The following ITGA8 variants were observed in gnomAD, a reference collection of about 807,000 sequenced individuals.
ITGA8 encodes integrin subunit alpha 8, also known as integrin alpha-8.
In ITGA8, 91 loss-of-function variants were observed where a neutral mutation model predicts 142.3. The observed-to-expected ratio is 0.64, with a 90% CI of 0.54 to 0.76. The LOEUF is 0.76. ITGA8 is among the 30% of genes least tolerant of loss of function. The pLI is 0.00. For synonymous variants in ITGA8, 505 were observed against 485.2 expected, an observed-to-expected ratio of 1.04 and a Z score of -0.54; for missense variants, 1,406 against 1,327.7, an observed-to-expected ratio of 1.06 and a Z score of -0.92.
chr10:15,716,204 T>C (rs1835448182), intron 2 of ITGA8, among the ~76,000 whole-genome samples: 1 of 152,232 alleles, frequency 6.6e-6, no homozygotes, highest in African/African-American at 2.4e-5. Context: ...CATTGATTTT[T>C]CTTCCCCTTT....
chr10:15,572,340 A>G lies in ITGA8; in HGVS notation c.2508T>C (p.Ser836=), dbSNP rs1397115591. ...GCCAGCCCACCTCCAGGATGGTGTC[A>G]CTGATGGTACTTGGTCCAATATTGT... is the stretch of plus-strand genomic sequence containing the variant. ...ELHNIGPSTI[S]DTILEVGWPF... Residue 836 remains serine, a synonymous_variant, in exon 25 of 30, where the codon AGT becomes AGC. Coordinates refer to ENST00000378076, the MANE Select transcript of ITGA8 (RefSeq NM_003638.3). 2 of 1,613,844 alleles carry G rather than the reference A, an allele frequency of 1.2e-6. No homozygotes were observed.
At chr10:15,552,274 C>A (rs1028858927) in intron 26 of ITGA8, among the ~76,000 whole-genome samples, 5 of 152,080 alleles carry the variant, frequency 3.3e-5, no homozygotes, top group Non-Finnish European at 7.4e-5. Context: ...GTAGCTGGGA[C>A]TACAGGCGTC....
In ITGA8 at chr10:15,687,971, TC is replaced by T; in HGVS notation, c.410del (p.Gly137GlufsTer4). The T allele has an allele frequency of 6.2e-7, 1 of 1,613,538 alleles. No individual in the cohort carries two copies. Among genetic ancestry groups the T allele is most frequent in the Non-Finnish European group, 8.5e-7 (1 of 1,179,492 alleles). Reference protein sequence around the residue: ...PIEFKSNQWFGATVKAHKGKV... With the variant: ...PIEFKSNQWFXATVKAHKGKV... ...TTCCTTTGTGAGCTTTCACTGTTGC[TC>T]CAAACCACTGATTGGATTTGAACTC... On this transcript the variant is annotated frameshift_variant, in exon 3 of 30. Coordinates refer to ENST00000378076, the MANE Select transcript of ITGA8 (RefSeq NM_003638.3). LOFTEE classifies it high-confidence loss of function.
intron 2 of ITGA8, among the ~76,000 whole-genome samples, chr10:15,708,941 G>A (rs1835311568): frequency 6.6e-6 from 1 of 152,132 alleles, no homozygotes; most frequent in Non-Finnish European, 1.5e-5. Flanking sequence ...TGAACTTACA[G>A]TGTGAGCAAG....
In ITGA8 at chr10:15,646,874, T is replaced by C. The variant is rs1453988131; in HGVS notation, c.1179A>G (p.Leu393=). 1.2e-6 allele frequency: 2 copies of C among 1,614,150 alleles called. No individual in the cohort carries two copies. The highest frequency in any genetic ancestry group is 1.1e-5 in the South Asian group (1 of 91,076). The change falls in exon 12 of 30, where the codon TTA becomes TTG. Residue 393 remains leucine (L), a synonymous_variant. Transcript: ENST00000378076. The stretch of plus-strand genomic sequence containing the variant: ...TGTATCCATCTTGGTTCAGGTCTCC[T>C]AAGTGTGCCATAGCACTACCGAATC... ...FGRFGSAMAH[L]GDLNQDGYND... is the part of the protein sequence containing the mutation.
At chr10:15,567,260 A>T (rs900586127) in intron 25 of ITGA8, among the ~76,000 whole-genome samples, 1 of 152,188 alleles carries the variant, frequency 6.6e-6, no homozygotes, top group Non-Finnish European at 1.5e-5. Context: ...TTATCTAAAG[A>T]TAACAGTCTG....
intron 27 of ITGA8, among the ~76,000 whole-genome samples, chr10:15,547,816 T>C (rs1833706304): frequency 6.6e-6 from 1 of 152,178 alleles, no homozygotes; most frequent in Non-Finnish European, 1.5e-5. Context: ...TCTGGACATA[T>C]ATATCTTGGA....
intron 8 of ITGA8, among the ~76,000 whole-genome samples, chr10:15,663,291 A>T: frequency 6.6e-6 from 1 of 152,132 alleles, no homozygotes; most frequent in Non-Finnish European, 1.5e-5. Context: ...ATCCATTTTC[A>T]GATATTTTAT....
chr10:15,558,146 A>C lies in ITGA8; in HGVS notation c.2694T>G (p.Thr898=). The change falls in exon 26 of 30, where the codon ACT becomes ACG. Residue 898 remains threonine (T), a synonymous_variant. Transcript: ENST00000378076. ...CCCTCTTCCTGACAAGATGAGGAAT[A>C]GTAGAGTTTCGCAAAAAGGCGCTGA... ...PELSAFLRNS[T]IPHLVRKRDV... is the part of the protein sequence containing the mutation. The C allele has an allele frequency of 3.1e-6, 5 of 1,614,248 alleles. No homozygotes were observed. The highest frequency in any genetic ancestry group is 4.2e-6 in the Non-Finnish European group (5 of 1,180,040).
chr10:15,644,480 ATATATATATATAG>A (rs1833939089), intron 12 of ITGA8, among the ~76,000 whole-genome samples: 2 of 11,014 alleles, frequency 1.8e-4, no homozygotes, highest in African/African-American at 2.4e-4. Flanking sequence ...ATATATATAT[ATATATATATATAG>A]AATTTTTTTT....
intron 18 of ITGA8, among the ~76,000 whole-genome samples, chr10:15,606,013 C>T (rs78059087): frequency 6.6e-6 from 1 of 152,268 alleles, no homozygotes; most frequent in African/African-American, 2.4e-5. Flanking sequence ...GCAAAGAATG[C>T]AACTCTGCCT....
chr10:15,635,566 A>C (rs115769861), intron 13 of ITGA8, among the ~76,000 whole-genome samples: 108 of 152,180 alleles, frequency 7.1e-4, no homozygotes, highest in African/African-American at 2.5e-3. Flanking sequence ...TTTCATTTCT[A>C]CTTGACAACA....
intron 27 of ITGA8, among the ~76,000 whole-genome samples, chr10:15,535,728 T>A (rs1010090211): frequency 7.2e-5 from 11 of 152,094 alleles, no homozygotes; most frequent in Non-Finnish European, 1.0e-4. Flanking sequence ...CAGCAGGATG[T>A]GGGTGGGGCC....
chr10:15,594,278 A>G (rs1328262320), intron 21 of ITGA8, among the ~76,000 whole-genome samples: 1 of 151,990 alleles, frequency 6.6e-6, no homozygotes, highest in Non-Finnish European at 1.5e-5. Flanking sequence ...GACAGGAGAT[A>G]TCTCCTGCAA....
At chr10:15,583,116 A>G (rs1834444348) in intron 23 of ITGA8, among the ~76,000 whole-genome samples, 2 of 152,228 alleles carry the variant, frequency 1.3e-5, no homozygotes, top group Non-Finnish European at 2.9e-5. Flanking sequence ...AACCAACTGA[A>G]ATGCCCATCC....
Position 15,605,747 on chromosome 10 carries a change from A to G in ITGA8, c.1947T>C (p.Pro649=), listed in dbSNP as rs749979899. Residue 649 remains proline (P), a synonymous_variant, in exon 19 of 30, where the codon CCT becomes CCC. Transcript: ENST00000378076. The part of the protein sequence containing the change: ...VDCGEDNLCV[P]DLKLSARPDK... ...ACGGTCTAGCCGACAGCTTCAAGTC[A>G]GGAACACACAGATTGTCTTCTCCAC... 75 of 1,613,538 alleles carry G rather than the reference A, an allele frequency of 4.6e-5. No homozygotes were observed. Among genetic ancestry groups the G allele is most frequent in the Non-Finnish European group, 6.2e-5 (73 of 1,179,466 alleles).
chr10:15,537,068 T>C (rs1305646820), intron 27 of ITGA8, among the ~76,000 whole-genome samples: 2 of 152,222 alleles, frequency 1.3e-5, no homozygotes, highest in South Asian at 2.1e-4. Flanking sequence ...CAAGCAACAA[T>C]CACAGAATAG....
intron 4 of ITGA8, among the ~76,000 whole-genome samples, chr10:15,682,944 C>T (rs1006624021): frequency 3.7e-5 from 2 of 53,470 alleles, no homozygotes; most frequent in Non-Finnish European, 1.3e-4. Flanking sequence ...TATCACTAAT[C>T]GATTTTTTCT....
intron 8 of ITGA8, among the ~76,000 whole-genome samples, chr10:15,670,024 C>A (rs995096660): frequency 1.3e-5 from 2 of 152,146 alleles, no homozygotes; most frequent in Admixed American, 1.3e-4. Flanking sequence ...GGGAGAACCA[C>A]TACTCTCTTC....
Sources: allele counts gnomAD v4.1 joint callset (sites outside exome capture counted in the v4.1 genomes callset), GRCh38; gene constraint gnomAD v4.1.1; transcripts MANE v1.5; gene names NCBI Gene and HGNC (gene_info 2026-07-23, HGNC 2026-07-21).